PLAC1: variants seen among roughly 807,000 people sequenced by gnomAD.
PLAC1 encodes the protein placenta associated 1.
For missense variants in PLAC1, 136 were observed against 163.2 expected, an observed-to-expected ratio of 0.83 and a Z score of 0.91; for synonymous variants, 68 against 62.1, an observed-to-expected ratio of 1.09 and a Z score of -0.44.
At chrX:134,761,101 A>C (rs951684906) in intron 1 of PLAC1, among the ~76,000 whole-genome samples, 6 of 111,669 alleles carry the variant, frequency 5.4e-5, no homozygotes, top group South Asian at 3.7e-4. Flanking sequence ...GTTTTAAGTC[A>C]CTTAGGTTTT....
In PLAC1 at chrX:134,607,214, C is replaced by T. The variant is rs186341904; in HGVS notation, c.-130-5092G>A. On this transcript the variant is annotated intron_variant, in intron 1 of 2. Transcript: ENST00000359237. ...CGTGTTCTCTAGGCCTTTTAGAGAA[C>T]GTGGGTTCATTCCTTTGGCCACATA... 151 of 137,855 alleles carry T rather than the reference C, an allele frequency of 1.1e-3. 1 individual carries two copies. The highest frequency in any genetic ancestry group is 4.6e-3 in the African/African-American group (146 of 31,517). The allele number at this position is 137,855 out of a possible 1,213,427, so 11.4% of individuals were successfully genotyped here. A position where few individuals can be genotyped will look rare whatever the true frequency, so the allele number is the denominator to read the frequency against.
intron 2 of PLAC1, among the ~76,000 whole-genome samples, chrX:134,688,283 C>T: frequency 8.9e-6 from 1 of 111,821 alleles, no homozygotes; most frequent in East Asian, 2.8e-4. Flanking sequence ...GCCTTTCATT[C>T]ACTGAGCAAG....
intron 1 of PLAC1, among the ~76,000 whole-genome samples, chrX:134,749,408 T>A (rs1208951896): frequency 1.8e-5 from 2 of 111,645 alleles, no homozygotes; most frequent in Admixed American, 9.5e-5. Context: ...AGTGGGAGGA[T>A]CCCTTGAACC....
intron 1 of PLAC1, among the ~76,000 whole-genome samples, chrX:134,746,270 C>G (rs1201943893): frequency 8.9e-6 from 1 of 111,750 alleles, no homozygotes; most frequent in East Asian, 2.8e-4. Context: ...AATAGTTCCA[C>G]TTCCTTGTCT....
chrX:134,587,428 A>G (rs1051195014), intron 2 of PLAC1, among the ~76,000 whole-genome samples: 4 of 97,847 alleles, frequency 4.1e-5, no homozygotes, highest in African/African-American at 1.4e-4. Context: ...AATAAATTTA[A>G]AAAATAGCCG....
At chrX:134,684,881 T>C (rs984006107) in intron 2 of PLAC1, among the ~76,000 whole-genome samples, 23 of 112,412 alleles carry the variant, frequency 2.0e-4, no homozygotes, top group African/African-American at 7.4e-4. Context: ...AAGCTGGCCC[T>C]AGGCATATCC....
intron 2 of PLAC1, among the ~76,000 whole-genome samples, chrX:134,577,603 C>T (rs1316689913): frequency 1.8e-5 from 2 of 110,915 alleles, no homozygotes; most frequent in Non-Finnish European, 3.8e-5. Flanking sequence ...GCAGGAGAAT[C>T]GCTTGAACTG....
intron 1 of PLAC1, among the ~76,000 whole-genome samples, chrX:134,634,580 A>T (rs1415978518): frequency 9.0e-6 from 1 of 111,635 alleles, no homozygotes; most frequent in Non-Finnish European, 1.9e-5. Flanking sequence ...ATTTGTATGG[A>T]TTTGCCTGTT....
At chrX:134,624,820 G>C (rs934250172) in intron 1 of PLAC1, among the ~76,000 whole-genome samples, 1 of 111,131 alleles carries the variant, frequency 9.0e-6, no homozygotes, top group Non-Finnish European at 1.9e-5. Flanking sequence ...CAGAAAAAAG[G>C]TGTCAGCATT....
intron 1 of PLAC1, among the ~76,000 whole-genome samples, chrX:134,647,815 T>A (rs2078342132): frequency 9.0e-6 from 1 of 111,602 alleles, no homozygotes; most frequent in Non-Finnish European, 1.9e-5. Context: ...TTTCCATGGA[T>A]GAAAACTTTG....
chrX:134,651,333 A>T, intron 1 of PLAC1: 1 of 177,996 alleles, frequency 5.6e-6, no homozygotes, highest in Non-Finnish European at 1.1e-5. Flanking sequence ...GTGGCACACA[A>T]GGTTGAAACT....
chrX:134,735,700 C>T (rs774336914), intron 1 of PLAC1, among the ~76,000 whole-genome samples: 1 of 110,299 alleles, frequency 9.1e-6, no homozygotes, highest in African/African-American at 3.3e-5. Context: ...TGGTCTTACT[C>T]AGCAAGACAC....
At chrX:134,701,631 T>C (rs1276766552) in intron 2 of PLAC1, among the ~76,000 whole-genome samples, 1 of 111,957 alleles carries the variant, frequency 8.9e-6, no homozygotes, top group Non-Finnish European at 1.9e-5. Context: ...GGCAAAAACA[T>C]GAGCAGGCAC....
intron 1 of PLAC1, among the ~76,000 whole-genome samples, chrX:134,624,908 TGATAGATAGATAGATAGATA>T (rs58742246): frequency 9.7e-6 from 1 of 103,380 alleles, no homozygotes; most frequent in African/African-American, 3.5e-5. Flanking sequence ...GACAGATAAA[TGATAGATAGATAGATAGATA>T]GATAGATAGA....
intron 1 of PLAC1, among the ~76,000 whole-genome samples, chrX:134,619,251 T>C (rs2078199310): frequency 1.8e-5 from 2 of 112,455 alleles, no homozygotes; most frequent in Admixed American, 1.9e-4. Flanking sequence ...CAGAAAAGTA[T>C]GTAAAAGCAA....
chrX:134,646,871 G>C (rs188759710), intron 1 of PLAC1, among the ~76,000 whole-genome samples: 1 of 112,221 alleles, frequency 8.9e-6, no homozygotes, highest in Non-Finnish European at 1.9e-5. Context: ...AGACTAGACC[G>C]GGCTTGCAGA....
In PLAC1 at chrX:134,754,148, T is replaced by C. The variant is rs929534214; in HGVS notation, n.89+10086A>G. Reference sequence around the variant, plus strand: ...ATATTATCCAATGAGCATATGGTACTTTTACAATACGTTATGGCAAGGTTG... The same window carrying C: ...ATATTATCCAATGAGCATATGGTACCTTTACAATACGTTATGGCAAGGTTG... On this transcript the variant is annotated intron_variant and non_coding_transcript_variant, in intron 1 of 2. Coordinates refer to the PLAC1 transcript ENST00000466797. 1.3e-4 allele frequency among the ~76,000 whole-genome samples: 15 copies of C among 112,391 alleles called. No homozygotes were observed. The Admixed American group carries it at 1.4e-3, about 11-fold the overall frequency.
intron 1 of PLAC1, among the ~76,000 whole-genome samples, chrX:134,642,523 A>G (rs933535222): frequency 1.8e-5 from 2 of 111,215 alleles, no homozygotes; most frequent in African/African-American, 6.6e-5. Context: ...GATAAAGCAG[A>G]CAGCTAATTA....
At chrX:134,591,028 G>A (rs1048485424) in intron 2 of PLAC1, among the ~76,000 whole-genome samples, 4 of 111,612 alleles carry the variant, frequency 3.6e-5, no homozygotes, top group African/African-American at 1.3e-4. Context: ...CAGAGCTGGA[G>A]CCCAGGTCAG....
Sources: gnomAD v4.1 joint callset for allele counts (sites outside exome capture counted in the v4.1 genomes callset) on GRCh38, gnomAD v4.1.1 for gene constraint, MANE v1.5 for transcripts, NCBI Gene and HGNC (gene_info 2026-07-23, HGNC 2026-07-21) for gene names.